ABI3BP: variants seen among roughly 807,000 people sequenced by gnomAD.
ABI3BP encodes the protein target of Nesh-SH3.
Under a neutral mutation model 268.6 loss-of-function variants are expected in ABI3BP, and 216 were observed. That is an observed-to-expected ratio of 0.80 (90% CI 0.72 to 0.90). The LOEUF (loss-of-function observed/expected upper bound fraction) is 0.90, where lower values mean the gene tolerates loss of function less well. ABI3BP is among the 40% of genes least tolerant of loss of function. ABI3BP has a pLI of 0.00. For missense variants in ABI3BP, 2,090 were observed against 2,182.4 expected (o/e 0.96, Z 0.84); for synonymous variants, 730 against 730.0 (o/e 1.00, Z 0.00).
At chr3:100,840,032 C>T in intron 23 of ABI3BP, 40 bp downstream of exon 23, 1 of 1,494,662 alleles carries the variant, frequency 6.7e-7, no homozygotes, top group Admixed American at 2.0e-5. Flanking sequence ...CTGCCATATT[C>T]CACTTTCTAT....
At chr3:100,972,254 A>C (rs10049238) in intron 1 of ABI3BP, among the ~76,000 whole-genome samples, 24,809 of 152,238 alleles carry the variant, frequency 0.16, 2,163 homozygotes, top group Middle Eastern at 0.23. Flanking sequence ...AGCAAAATCA[A>C]ATTTTTATGT....
rs755732032 is a variant in ABI3BP at position 100,832,290 on chromosome 3, T to C, written c.2375A>G (p.His792Arg). The change falls in exon 31 of 68, where the codon CAT becomes CGT. Residue 792 changes from histidine (H) to arginine (R), a missense_variant. His to Arg is a conservative substitution (Grantham distance 29). Coordinates refer to ENST00000471714, the MANE Select transcript of ABI3BP (RefSeq NM_001375547.2). ...RPHPKPKTTP[H>R]PEVPQTKLVP... is the part of the protein sequence containing the mutation. ...CAGTTTAGTTTGAGGTACTTCTGGA[T>C]GGGGCGTGGTTTTAGGTTTGGGATG... 3 of 1,535,574 alleles carry C rather than the reference T, an allele frequency of 2.0e-6. No homozygotes were observed.
intron 4 of ABI3BP, among the ~76,000 whole-genome samples, chr3:100,894,005 A>G (rs1392492783): frequency 6.6e-6 from 1 of 152,148 alleles, no homozygotes; most frequent in East Asian, 1.9e-4. Context: ...TGTGGAAGGT[A>G]GAATAGATTG....
At chr3:100,780,597 A>G (rs2096838636) in intron 57 of ABI3BP, among the ~76,000 whole-genome samples, 2 of 151,342 alleles carry the variant, frequency 1.3e-5, no homozygotes, top group African/African-American at 4.9e-5. Flanking sequence ...CAATCCCTCT[A>G]TGCCCATTAA....
intron 14 of ABI3BP, among the ~76,000 whole-genome samples, chr3:100,856,236 C>A (rs1355287553): frequency 1.3e-5 from 2 of 152,172 alleles, no homozygotes; most frequent in Non-Finnish European, 2.9e-5. Flanking sequence ...GCTGCCAAAA[C>A]TTTCTAACCA....
intron 53 of ABI3BP, 101 bp from the exon 54 acceptor site, chr3:100,795,104 G>T: frequency 6.8e-6 from 5 of 740,494 alleles, no homozygotes; most frequent in Non-Finnish European, 1.0e-5. Flanking sequence ...AGTAGAAAAA[G>T]GAAAGAAGAA....
At chr3:100,857,126 A>G (rs1467203937) in intron 14 of ABI3BP, among the ~76,000 whole-genome samples, 3 of 152,116 alleles carry the variant, frequency 2.0e-5, no homozygotes, top group East Asian at 3.9e-4. Context: ...AGACCCATAG[A>G]TCATTTGGTA....
At chr3:100,854,966 G>A (rs973416293) in intron 14 of ABI3BP, among the ~76,000 whole-genome samples, 4 of 150,530 alleles carry the variant, frequency 2.7e-5, no homozygotes, top group South Asian at 2.1e-4. Flanking sequence ...TTGCTCTGTC[G>A]CCCAGACTGG....
At chr3:100,853,397 A>T (rs1383279877) in intron 14 of ABI3BP, among the ~76,000 whole-genome samples, 1 of 152,208 alleles carries the variant, frequency 6.6e-6, no homozygotes, top group Non-Finnish European at 1.5e-5. Flanking sequence ...TCTTAAGCTT[A>T]TTTTCAGCCA....
chr3:100,845,672 G>A (rs1427039566), intron 20 of ABI3BP, among the ~76,000 whole-genome samples: 1 of 150,380 alleles, frequency 6.6e-6, no homozygotes, highest in African/African-American at 2.4e-5. Context: ...ACTGAGTGGT[G>A]ACAAGGTTCC....
chr3:100,755,903 A>C (rs1490041494), intron 63 of ABI3BP, among the ~76,000 whole-genome samples: 2 of 152,222 alleles, frequency 1.3e-5, no homozygotes, highest in East Asian at 3.9e-4. Context: ...AATGCACAAA[A>C]GATAGATATT....
intron 2 of ABI3BP, among the ~76,000 whole-genome samples, chr3:100,904,572 GA>G (rs1298565671): frequency 1.3e-5 from 2 of 152,282 alleles, no homozygotes; most frequent in African/African-American, 4.8e-5. Context: ...TAAGGAGGGG[GA>G]CACACAGAGC....
At chr3:100,752,565 C>CT in intron 66 of ABI3BP, 1 of 446,654 alleles carries the variant, frequency 2.2e-6, no homozygotes, top group Non-Finnish European at 4.0e-6. Flanking sequence ...CATGATGGCA[C>CT]TGTTTTATAA....
chr3:100,915,974 C>G (rs568521966), intron 2 of ABI3BP, among the ~76,000 whole-genome samples: 2 of 152,334 alleles, frequency 1.3e-5, no homozygotes, highest in East Asian at 3.9e-4. Context: ...TTGCCACATC[C>G]TTTCCTAGTT....
chr3:100,899,815 T>C (rs1278631334), intron 3 of ABI3BP, among the ~76,000 whole-genome samples: 2 of 152,214 alleles, frequency 1.3e-5, no homozygotes. Context: ...TTTTATTTCT[T>C]GAGACTATGA....
chr3:100,908,839 A>G (rs1359428678), intron 2 of ABI3BP, among the ~76,000 whole-genome samples: 1 of 152,228 alleles, frequency 6.6e-6, no homozygotes, highest in Non-Finnish European at 1.5e-5. Context: ...TGCTCAAAGT[A>G]ATTTATAGGT....
intron 49 of ABI3BP, among the ~76,000 whole-genome samples, chr3:100,808,757 A>G (rs1164512699): frequency 6.6e-6 from 1 of 152,090 alleles, no homozygotes; most frequent in Admixed American, 6.6e-5. Context: ...TTGAACACCA[A>G]GGATATTTTC....
chr3:100,949,216 C>T (rs2073873458), intron 1 of ABI3BP, among the ~76,000 whole-genome samples: 1 of 152,110 alleles, frequency 6.6e-6, no homozygotes, highest in South Asian at 2.1e-4. Flanking sequence ...TGAGTTGGCA[C>T]AGTTTAACGA....
rs140946896 is a variant in ABI3BP, at chr3:100,754,798, A to G, written c.4851-107T>C. 2.0e-5 allele frequency: 17 copies of G among 867,426 alleles called. No homozygotes were observed. The East Asian group carries it at 4.3e-4, about 22-fold the overall frequency. 53.7% of individuals were successfully genotyped at this position (867,426 alleles called of 1,614,324 possible). On this transcript the variant is annotated intron_variant, in intron 63 of 67. Transcript: ENST00000471714. ...ACTATACTGACATCCCTTTGAAATT[A>G]TGACAGTGAATGGTAACATATGTTC...
Sources: gnomAD v4.1 joint callset for allele counts (sites outside exome capture counted in the v4.1 genomes callset) on GRCh38, gnomAD v4.1.1 for gene constraint, MANE v1.5 for transcripts, NCBI Gene and HGNC (gene_info 2026-07-23, HGNC 2026-07-21) for gene names.